The following COL5A2 variants were observed in gnomAD, a reference collection of about 807,000 sequenced individuals.
COL5A2 encodes the protein collagen type V alpha 2 chain.
A neutral mutation model predicts 208.2 loss-of-function variants in COL5A2; 23 were observed. That is an observed-to-expected ratio of 0.11 (90% confidence interval 0.08 to 0.16). COL5A2 has a LOEUF of 0.16. COL5A2 is among the 10% of genes least tolerant of loss of function. COL5A2 has a pLI of 1.00. For synonymous variants in COL5A2, 625 were observed against 628.5 expected (o/e 0.99, Z 0.08); for missense variants, 1,590 against 1,956.4 (o/e 0.81, Z 3.53).
Position 189,106,962 on chromosome 2 carries a change from T to G in COL5A2, c.323-2685A>C, listed in dbSNP as rs550358632. Among the ~76,000 whole-genome samples, 56 of 151,578 alleles carry G rather than the reference T, an allele frequency of 3.7e-4. 1 individual carries two copies. Among genetic ancestry groups the G allele is most frequent in the African/African-American group, 1.3e-3 (54 of 41,530 alleles). On this transcript the variant is annotated intron_variant, in intron 2 of 53. Coordinates refer to ENST00000374866, the MANE Select transcript of COL5A2 (RefSeq NM_000393.5). The stretch of plus-strand genomic sequence containing the variant: ...TTCATGAATAATTACTCTCTTAATA[T>G]GCTAATAGACTTAATATTTTATTTA...
chr2:189,225,564 G>A (rs563210885), upstream of COL5A2, among the ~76,000 whole-genome samples: 1 of 152,142 alleles, frequency 6.6e-6, no homozygotes, highest in Non-Finnish European at 1.5e-5. Context: ...TGAAAAATCT[G>A]GTGAGGGCCT....
the COL5A2 span, among the ~76,000 whole-genome samples, chr2:189,392,952 A>G: frequency 6.6e-6 from 1 of 152,212 alleles, no homozygotes. Context: ...AGTCTGTAGT[A>G]TCAGTTACAT....
the COL5A2 span, among the ~76,000 whole-genome samples, chr2:189,423,266 CTAAG>C: frequency 6.6e-6 from 1 of 151,720 alleles, no homozygotes; most frequent in African/African-American, 2.4e-5. Context: ...GTTTTCAGCA[CTAAG>C]TGCCTACATC....
chr2:189,091,947 G>C (rs187273302), intron 7 of COL5A2, among the ~76,000 whole-genome samples: 3 of 152,082 alleles, frequency 2.0e-5, no homozygotes, highest in Non-Finnish European at 4.4e-5. Flanking sequence ...TGGAGGATAC[G>C]GAGCAGATTT....
At chr2:189,035,275 A>C (rs1007598016) in intron 52 of COL5A2, 120 bp from the exon 53 acceptor site, 1 of 1,302,606 alleles carries the variant, frequency 7.7e-7, no homozygotes, top group Non-Finnish European at 1.1e-6. Flanking sequence ...GTATTACTTT[A>C]ATTCTTGTCA....
chr2:189,071,793 C>G (rs1240262763), intron 18 of COL5A2, among the ~76,000 whole-genome samples: 2 of 152,144 alleles, frequency 1.3e-5, no homozygotes, highest in African/African-American at 4.8e-5. Flanking sequence ...AGAGTCCTAA[C>G]ACATCAGGTT....
intron 1 of COL5A2, among the ~76,000 whole-genome samples, chr2:189,185,910 A>G (rs1199355469): frequency 6.6e-6 from 1 of 152,228 alleles, no homozygotes; most frequent in Non-Finnish European, 1.5e-5. Flanking sequence ...CTAGAGAAAG[A>G]AATATCTAAG....
At chr2:189,084,531 G>A (rs536675265) in intron 11 of COL5A2, among the ~76,000 whole-genome samples, 47 of 152,186 alleles carry the variant, frequency 3.1e-4, no homozygotes, top group African/African-American at 1.0e-3. Flanking sequence ...CTCATAAAGA[G>A]AAAATATTTA....
At chr2:189,318,783 A>G in the COL5A2 span, among the ~76,000 whole-genome samples, 1 of 152,330 alleles carries the variant, frequency 6.6e-6, no homozygotes, top group African/African-American at 2.4e-5. Flanking sequence ...AAGAAGAGCC[A>G]AGGATAACGT....
At chr2:189,056,262 C>T (rs1159806144) in intron 35 of COL5A2, among the ~76,000 whole-genome samples, 1 of 152,148 alleles carries the variant, frequency 6.6e-6, no homozygotes, top group Non-Finnish European at 1.5e-5. Context: ...AAACAGAAAT[C>T]ATTAGTCAAA....
the COL5A2 span, among the ~76,000 whole-genome samples, chr2:189,408,595 A>C: frequency 6.6e-6 from 1 of 151,894 alleles, no homozygotes; most frequent in East Asian, 1.9e-4. Context: ...AATTTAATAA[A>C]TATTAAAATA....
At chr2:189,323,166 T>A in the COL5A2 span, among the ~76,000 whole-genome samples, 1 of 152,214 alleles carries the variant, frequency 6.6e-6, no homozygotes, top group African/African-American at 2.4e-5. Context: ...TGATGGGACG[T>A]ATCTCAAAAT....
At chr2:189,407,074 T>C in the COL5A2 span, among the ~76,000 whole-genome samples, 1 of 152,104 alleles carries the variant, frequency 6.6e-6, no homozygotes, top group African/African-American at 2.4e-5. Context: ...AAACAGGACA[T>C]GCATATGAAG....
In COL5A2 at chr2:189,051,445, C is replaced by T. The variant is rs1471655044; in HGVS notation, c.2806G>A (p.Gly936Arg). 3.7e-6 allele frequency: 6 copies of T among 1,612,558 alleles called. No homozygotes were observed. The highest frequency in any genetic ancestry group is 1.1e-5 in the South Asian group (1 of 90,930). ...CGAAGACCTGGAGGTCCCTCCTTCC[C>T]GGGTTCCCCTAGGGGTCCCGCAGGT... ...PGPAGPLGEPGKEGPPGLRGD... is the reference protein window; with the variant it reads ...PGPAGPLGEPRKEGPPGLRGD... Residue 936 changes from glycine (G) to arginine (R), a missense_variant, in exon 42 of 54, where the codon GGG becomes AGG. Gly to Arg is a moderately radical substitution (Grantham distance 125). Coordinates refer to ENST00000374866, the MANE Select transcript of COL5A2 (RefSeq NM_000393.5).
the COL5A2 span, among the ~76,000 whole-genome samples, chr2:189,302,273 A>C: frequency 2.0e-5 from 3 of 152,146 alleles, no homozygotes; most frequent in Non-Finnish European, 4.4e-5. Flanking sequence ...CTAGCATTTA[A>C]AACTCGAAAG....
chr2:189,197,088 T>C (rs934436476), intron 1 of COL5A2, among the ~76,000 whole-genome samples: 2 of 152,044 alleles, frequency 1.3e-5, no homozygotes, highest in African/African-American at 4.8e-5. Flanking sequence ...ATATACACCA[T>C]AGAATACTAT....
At chr2:189,385,209 T>C in the COL5A2 span, among the ~76,000 whole-genome samples, 5 of 152,100 alleles carry the variant, frequency 3.3e-5, no homozygotes, top group Admixed American at 3.3e-4. Context: ...GATGATATGA[T>C]TCTATACTCA....
chr2:189,046,712 T>C (rs761453707), intron 45 of COL5A2, among the ~76,000 whole-genome samples: 10 of 152,138 alleles, frequency 6.6e-5, no homozygotes, highest in Non-Finnish European at 1.5e-4. Flanking sequence ...AAAATTGTCT[T>C]ATTTGACTGA....
chr2:189,088,785 T>G lies in COL5A2; in HGVS notation c.568-13A>C, dbSNP rs764161163. 1 of 1,608,538 alleles carries G rather than the reference T, an allele frequency of 6.2e-7. No individual in the cohort carries two copies. Among genetic ancestry groups the G allele is most frequent in the South Asian group, 1.1e-5 (1 of 90,946 alleles). On this transcript the variant is annotated splice_polypyrimidine_tract_variant and intron_variant, in intron 7 of 53. Transcript: ENST00000374866. The stretch of plus-strand genomic sequence containing the variant: ...GAGCTGAAAACGGCTGTAAAAGCGA[T>G]ATGTTGACATTATTTCTACAGTAAA...
Sources: gnomAD v4.1 joint callset for allele counts (sites outside exome capture counted in the v4.1 genomes callset) on GRCh38, gnomAD v4.1.1 for gene constraint, MANE v1.5 for transcripts, NCBI Gene and HGNC (gene_info 2026-07-23, HGNC 2026-07-21) for gene names.